Variants in ALB observed in about 807,000 individuals in gnomAD.
ALB encodes albumin.
Under a neutral mutation model 74.5 loss-of-function variants are expected in ALB, and 37 were observed. The ratio of observed to expected loss-of-function variants is 0.50; its 90% CI spans 0.38 to 0.65. The LOEUF is 0.65. Ranked by LOEUF, ALB falls within the 30% of genes least tolerant of loss-of-function variation. The probability of loss-of-function intolerance (pLI) is 0.00; values close to 1 mark genes in which losing one functional copy is unlikely to be tolerated. For missense variants in ALB, 685 were observed against 718.7 expected, an observed-to-expected ratio of 0.95 and a Z score of 0.54; for synonymous variants, 249 against 251.6, an observed-to-expected ratio of 0.99 and a Z score of 0.10.
chr4:73,408,476 G>C (rs1214334242), intron 3 of ALB, 118 bp from the exon 4 acceptor site: 14 of 908,752 alleles, frequency 1.5e-5, no homozygotes, highest in Non-Finnish European at 2.4e-5. Flanking sequence ...AGGGGAAGCG[G>C]ATTTTTAAAT....
intron 6 of ALB, among the ~76,000 whole-genome samples, chr4:73,410,938 T>C (rs1011784423): frequency 6.6e-6 from 1 of 152,202 alleles, no homozygotes; most frequent in African/African-American, 2.4e-5. Context: ...AGTCACCAAC[T>C]AAGTTGAAGT....
intron 11 of ALB, 125 bp downstream of exon 11, chr4:73,417,794 T>C: frequency 1.1e-6 from 1 of 900,196 alleles, no homozygotes; most frequent in Non-Finnish European, 1.7e-6. Flanking sequence ...TGCATGTGTG[T>C]GTGCATGCAC....
At position 73,412,062 on chromosome 4, in the gene ALB, A is replaced by G; in HGVS notation, c.780A>G (p.Thr260=). ...TTGCAGAAGTTTCCAAGTTAGTGAC[A>G]GATCTTACCAAAGTCCACACGGAAT... ...AEFAEVSKLV[T]DLTKVHTECC... Residue 260 remains threonine (T), a synonymous_variant, in exon 7 of 15, where the codon ACA becomes ACG. Coordinates refer to ENST00000295897, the MANE Select transcript of ALB (RefSeq NM_000477.7). 6.2e-7 allele frequency: 1 copy of G among 1,614,206 alleles called. No homozygotes were observed. The highest frequency in any genetic ancestry group is 8.5e-7 in the Non-Finnish European group (1 of 1,180,024).
At chr4:73,412,273 G>T (rs1238342615) in intron 7 of ALB, 148 bp downstream of exon 7, 1 of 997,008 alleles carries the variant, frequency 1.0e-6, no homozygotes, top group African/African-American at 1.6e-5. Context: ...CCCTGCCTAT[G>T]GTGGTGGTAC....
At chr4:73,417,915 C>G in intron 11 of ALB, 173 bp from the exon 12 acceptor site, 2 of 727,120 alleles carry the variant, frequency 2.8e-6, no homozygotes, top group South Asian at 1.6e-5. Context: ...GTGGTGCCAT[C>G]TCGGCTCACT....
intron 4 of ALB, 126 bp downstream of exon 4, chr4:73,408,931 G>T: frequency 2.2e-6 from 2 of 891,934 alleles, no homozygotes. Context: ...TTGTTATGAT[G>T]ATTTTTTAAA....
At chr4:73,420,819 C>G in intron 14 of ALB, 1 of 366,794 alleles carries the variant, frequency 2.7e-6, no homozygotes, top group Admixed American at 4.5e-5. Flanking sequence ...CTTCTGTGAA[C>G]TTTATAGTGA....
At position 73,416,478 on chromosome 4, in the gene ALB, T is replaced by G. The variant is rs139825987; in HGVS notation, c.1289+125T>G. ...ATTGCATATTTCTAATCACTCTTTGTCAAGAAAGATAGGAGAGGAGAGATA... is the reference window on the plus strand; with the variant it reads ...ATTGCATATTTCTAATCACTCTTTGGCAAGAAAGATAGGAGAGGAGAGATA... On this transcript the variant is annotated intron_variant, in intron 10 of 14. Coordinates refer to ENST00000295897, the MANE Select transcript of ALB (RefSeq NM_000477.7). 772 of 748,214 alleles carry G rather than the reference T, an allele frequency of 1.0e-3. 3 individuals carry two copies. The African/African-American group carries it at 0.012, about 11-fold the overall frequency. The allele number at this position is 748,214 out of a possible 1,614,324, so 46.3% of individuals were successfully genotyped here. A position where few individuals can be genotyped will look rare whatever the true frequency, so the allele number is the denominator to read the frequency against.
intron 5 of ALB, 117 bp from the exon 6 acceptor site, chr4:73,410,195 T>C: frequency 5.2e-6 from 4 of 770,562 alleles, no homozygotes; most frequent in Non-Finnish European, 9.3e-6. Flanking sequence ...TACTTGGGAA[T>C]TTAGGCATAA....
chr4:73,407,844 G>A (rs1718770945), intron 3 of ALB, among the ~76,000 whole-genome samples: 1 of 152,072 alleles, frequency 6.6e-6, no homozygotes, highest in African/African-American at 2.4e-5. Context: ...TACCTCTTGT[G>A]GGCAAGGCCA....
At chr4:73,418,786 C>G (rs1379075442) in intron 12 of ALB, among the ~76,000 whole-genome samples, 1 of 152,150 alleles carries the variant, frequency 6.6e-6, no homozygotes, top group South Asian at 2.1e-4. Context: ...GCTCAACTCC[C>G]TATTGCTATC....
rs1719094758 is a variant in ALB, at chr4:73,419,530, A to C, written c.1676A>C (p.His559Pro). 6.2e-7 allele frequency: 1 copy of C among 1,613,080 alleles called. No homozygotes were observed. Among genetic ancestry groups the C allele is most frequent in the Non-Finnish European group, 8.5e-7 (1 of 1,179,824 alleles). Residue 559 changes from histidine (H) to proline (P), a missense_variant, in exon 13 of 15, where the codon CAC (histidine) becomes CCC (proline). Physicochemically the swap from His to Pro is moderately conservative, Grantham distance 77. Transcript: ENST00000295897. ...AGTGCACTTGTTGAGCTCGTGAAAC[A>C]CAAGCCCAAGGCAACAAAAGAGCAA... is the stretch of plus-strand genomic sequence containing the variant. ...KQTALVELVK[H>P]KPKATKEQLK... is the part of the protein sequence containing the mutation.
At position 73,409,376 on chromosome 4, in the gene ALB, A is replaced by G. The variant is rs541682546; in HGVS notation, c.504A>G (p.Arg168=). 6.2e-6 allele frequency: 10 copies of G among 1,613,896 alleles called. No individual in the cohort carries two copies. Among genetic ancestry groups the G allele is most frequent in the Middle Eastern group, 3.3e-4 (2 of 6,062 alleles). The change falls in exon 5 of 15, where the codon AGA becomes AGG. Residue 168 remains arginine (R), a synonymous_variant. Coordinates refer to ENST00000295897, the MANE Select transcript of ALB (RefSeq NM_000477.7). Reference sequence around the variant, plus strand: ...TTAGATACTTATATGAAATTGCCAGAAGACATCCTTACTTTTATGCCCCGG... The same window carrying G: ...TTAGATACTTATATGAAATTGCCAGGAGACATCCTTACTTTTATGCCCCGG... ...FLKKYLYEIA[R]RHPYFYAPEL... is the part of the protein sequence containing the mutation.
chr4:73,414,338 G>C (rs1459391185), intron 8 of ALB, among the ~76,000 whole-genome samples: 1 of 152,164 alleles, frequency 6.6e-6, no homozygotes, highest in African/African-American at 2.4e-5. Context: ...TTGAGATGTA[G>C]TTTAAATCAA....
Position 73,408,687 on chromosome 4 carries a change from A to G in ALB, c.364A>G (p.Arg122Gly). The change falls in exon 4 of 15, where the codon AGA becomes GGA. Residue 122 changes from arginine (R) to glycine (G), a missense_variant. Arg to Gly is a moderately radical substitution (Grantham distance 125). Coordinates refer to ENST00000295897, the MANE Select transcript of ALB (RefSeq NM_000477.7). ...CTGCTGTGCAAAACAAGAACCTGAG[A>G]GAAATGAATGCTTCTTGCAACACAA... The part of the protein sequence containing the change: ...ADCCAKQEPE[R>G]NECFLQHKDD... 6.2e-7 allele frequency: 1 copy of G among 1,614,112 alleles called. No homozygotes were observed. Among genetic ancestry groups the G allele is most frequent in the Non-Finnish European group, 8.5e-7 (1 of 1,179,966 alleles).
rs771358695 is a variant in ALB at position 73,409,026 on chromosome 4, C to G, written c.482+221C>G. On this transcript the variant is annotated intron_variant, in intron 4 of 14. Transcript: ENST00000295897. Reference sequence around the variant, plus strand: ...GAAGTTTATTGAAACAGGATACAATCTTTCTGAAAAATTTAAGATAGACAA... The same window carrying G: ...GAAGTTTATTGAAACAGGATACAATGTTTCTGAAAAATTTAAGATAGACAA... The G allele has an allele frequency of 4.0e-4, 233 of 585,066 alleles. 1 individual carries two copies. The highest frequency in any genetic ancestry group is 6.2e-4 in the Non-Finnish European group (206 of 334,028). The allele number at this position is 585,066 out of a possible 1,614,324, so 36.2% of individuals were successfully genotyped here. A position where few individuals can be genotyped will look rare whatever the true frequency, so the allele number is the denominator to read the frequency against.
intron 9 of ALB, among the ~76,000 whole-genome samples, chr4:73,415,756 C>A (rs1054390177): frequency 3.3e-5 from 5 of 152,112 alleles, no homozygotes; most frequent in African/African-American, 9.7e-5. Flanking sequence ...CATGCACAAA[C>A]AATGACCAAC....
rs373020266 is a variant in ALB at position 73,413,369 on chromosome 4, A to G, written c.844-51A>G. On this transcript the variant is annotated intron_variant, in intron 7 of 14. Coordinates refer to ENST00000295897, the MANE Select transcript of ALB (RefSeq NM_000477.7). ...CAACTTAATAAAGGTCTGAGGAGAA[A>G]GTGTAGCAATGTCAATTCGTGTTGA... 8.0e-6 allele frequency: 12 copies of G among 1,495,126 alleles called. No individual in the cohort carries two copies. The African/African-American group carries it at 1.2e-4, about 16-fold the overall frequency. The allele number at this position is 1,495,126 out of a possible 1,614,324, so 92.6% of individuals were successfully genotyped here. A position where few individuals can be genotyped will look rare whatever the true frequency, so the allele number is the denominator to read the frequency against.
chr4:73,412,039 G>A lies in ALB; in HGVS notation c.757G>A (p.Ala253Thr), dbSNP rs1188454512. 1 of 1,614,168 alleles carries A rather than the reference G, an allele frequency of 6.2e-7. No individual in the cohort carries two copies. Among genetic ancestry groups the A allele is most frequent in the East Asian group, 2.2e-5 (1 of 44,876 alleles). Residue 253 changes from alanine to threonine, a missense_variant, in exon 7 of 15, where the codon GCA becomes ACA. By Grantham distance (58) the Ala-to-Thr change is moderately conservative. Coordinates refer to ENST00000295897, the MANE Select transcript of ALB (RefSeq NM_000477.7). ...CCAGAGATTTCCCAAAGCTGAGTTTGCAGAAGTTTCCAAGTTAGTGACAGA... is the reference window on the plus strand; with the variant it reads ...CCAGAGATTTCCCAAAGCTGAGTTTACAGAAGTTTCCAAGTTAGTGACAGA... ...LSQRFPKAEFAEVSKLVTDLT... is the reference protein window; with the variant it reads ...LSQRFPKAEFTEVSKLVTDLT...
Sources: gnomAD v4.1 joint callset for allele counts (sites outside exome capture counted in the v4.1 genomes callset) on GRCh38, gnomAD v4.1.1 for gene constraint, MANE v1.5 for transcripts, NCBI Gene and HGNC (gene_info 2026-07-23, HGNC 2026-07-21) for gene names.